The following NGF variants were observed in gnomAD, a reference collection of about 807,000 sequenced individuals.
NGF encodes the protein beta-nerve growth factor.
A neutral mutation model predicts 12.8 loss-of-function variants in NGF; 4 were observed. The observed-to-expected ratio is 0.31, with a 90% CI of 0.15 to 0.72. The LOEUF (loss-of-function observed/expected upper bound fraction) is 0.72. NGF is among the 30% of genes least tolerant of loss of function. The pLI is 0.69. For missense variants in NGF, 283 were observed against 330.8 expected, an observed-to-expected ratio of 0.86 and a Z score of 1.12; for synonymous variants, 140 against 130.0, an observed-to-expected ratio of 1.08 and a Z score of -0.52.
At chr1:115,338,071 T>G (rs1655187304) in intron 1 of NGF, 133 bp downstream of exon 1, 1 of 152,280 alleles carries the variant, frequency 6.6e-6, no homozygotes, top group Non-Finnish European at 1.5e-5. Flanking sequence ...CTCTTCGGCC[T>G]GCGGGAGCCT....
chr1:115,293,995 C>T (rs1653786859), intron 1 of NGF, among the ~76,000 whole-genome samples: 1 of 152,242 alleles, frequency 6.6e-6, no homozygotes, highest in Non-Finnish European at 1.5e-5. Flanking sequence ...AGCCTGGACA[C>T]AGTCCATGGC....
chr1:115,322,600 A>T (rs938532352), intron 1 of NGF, among the ~76,000 whole-genome samples: 15 of 152,284 alleles, frequency 9.9e-5, no homozygotes, highest in African/African-American at 3.4e-4. Context: ...GCGTAAAGAG[A>T]TGACAGAGGA....
At chr1:115,302,101 C>T (rs11466087) in intron 1 of NGF, among the ~76,000 whole-genome samples, 5,771 of 152,290 alleles carry the variant, frequency 0.038, 348 homozygotes, top group African/African-American at 0.13. Flanking sequence ...ATTGAAGACT[C>T]TTCCCACAGC....
intron 2 of NGF, among the ~76,000 whole-genome samples, chr1:115,290,642 TCGG>T (rs1261161386): frequency 6.6e-6 from 1 of 152,136 alleles, no homozygotes; most frequent in African/African-American, 2.4e-5. Context: ...ATCCGCCCCC[TCGG>T]CCTCCCAAAG....
intron 1 of NGF, among the ~76,000 whole-genome samples, chr1:115,304,628 C>A (rs1017351493): frequency 1.6e-4 from 25 of 152,064 alleles, no homozygotes; most frequent in Admixed American, 1.0e-3. Context: ...GACAAGTGGA[C>A]TTTGTGCTTA....
intron 1 of NGF, among the ~76,000 whole-genome samples, chr1:115,335,265 A>G (rs1315580267): frequency 2.0e-5 from 3 of 152,224 alleles, no homozygotes; most frequent in African/African-American, 4.8e-5. Flanking sequence ...CTCCATTCAC[A>G]TATCAGCCTC....
chr1:115,306,216 G>A (rs1164848159), intron 1 of NGF, among the ~76,000 whole-genome samples: 1 of 152,310 alleles, frequency 6.6e-6, no homozygotes, highest in Non-Finnish European at 1.5e-5. Context: ...TTTGAGGGAC[G>A]AGTGGAAAGC....
intron 1 of NGF, among the ~76,000 whole-genome samples, chr1:115,334,920 T>A (rs1365355854): frequency 6.6e-6 from 1 of 152,176 alleles, no homozygotes; most frequent in East Asian, 1.9e-4. Context: ...TTGCTCAAGG[T>A]CACAAAGCTA....
chr1:115,298,771 C>T (rs74114035), intron 1 of NGF, among the ~76,000 whole-genome samples: 26,678 of 151,782 alleles, frequency 0.18, 2,598 homozygotes, highest in African/African-American at 0.26. Context: ...ATAGCCAAAT[C>T]GATCACTACA....
chr1:115,311,890 G>C lies in NGF; in HGVS notation c.-136-18140C>G, dbSNP rs1376301109. Among the ~76,000 whole-genome samples, 3 of 152,294 alleles carry C rather than the reference G, an allele frequency of 2.0e-5. No homozygotes were observed. The East Asian group carries it at 5.8e-4, about 29-fold the overall frequency. On this transcript the variant is annotated intron_variant, in intron 1 of 2. Coordinates refer to ENST00000369512, the MANE Select transcript of NGF (RefSeq NM_002506.3). The stretch of plus-strand genomic sequence containing the variant: ...TATGAAAGGAAGTTACAGTGAAATT[G>C]CCAGCAAGAAATTAACAACTCCCCA...
chr1:115,334,534 G>A (rs923241618), intron 1 of NGF, among the ~76,000 whole-genome samples: 3 of 152,168 alleles, frequency 2.0e-5, no homozygotes, highest in African/African-American at 4.8e-5. Context: ...GGTCCCTGCC[G>A]ATGGTGGCCT....
chr1:115,318,314 C>A (rs1400380980), intron 1 of NGF, among the ~76,000 whole-genome samples: 2 of 152,212 alleles, frequency 1.3e-5, no homozygotes, highest in Non-Finnish European at 2.9e-5. Context: ...AGTCCCTCTA[C>A]CGAGAATTGG....
Position 115,286,792 on chromosome 1 carries a change from A to T in NGF, c.4T>A (p.Ser2Thr). Reference protein sequence around the residue: MSMLFYTLITAF... With the variant: MTMLFYTLITAF... ...GTGATCAGAGTGTAGAACAACATGG[A>T]CATTACGCTATGCACCTGGAATGAA... The change falls in exon 3 of 3, where the codon TCC becomes ACC. Residue 2 changes from serine to threonine, a missense_variant. Physicochemically the swap from Ser to Thr is moderately conservative, Grantham distance 58. Transcript: ENST00000369512. 4 of 1,614,152 alleles carry T rather than the reference A, an allele frequency of 2.5e-6. No individual in the cohort carries two copies. Among genetic ancestry groups the T allele is most frequent in the Non-Finnish European group, 3.4e-6 (4 of 1,180,034 alleles).
At chr1:115,335,434 C>T (rs1386022862) in intron 1 of NGF, among the ~76,000 whole-genome samples, 1 of 152,184 alleles carries the variant, frequency 6.6e-6, no homozygotes, top group Non-Finnish European at 1.5e-5. Context: ...TGGTCCACCA[C>T]AGAAGTGATT....
At chr1:115,322,768 G>A (rs1386023203) in intron 1 of NGF, among the ~76,000 whole-genome samples, 1 of 152,098 alleles carries the variant, frequency 6.6e-6, no homozygotes, top group Non-Finnish European at 1.5e-5. Flanking sequence ...ATGGGGCTTA[G>A]CCCACAAATG....
intron 1 of NGF, among the ~76,000 whole-genome samples, chr1:115,311,191 T>C (rs4382725): frequency 0.84 from 127,769 of 152,170 alleles, 53,995 homozygotes; most frequent in African/African-American, 0.93. Flanking sequence ...TGAAAATTCA[T>C]TTATCATTAG....
At chr1:115,337,284 T>G (rs1051144415) in intron 1 of NGF, among the ~76,000 whole-genome samples, 17,389 of 123,326 alleles carry the variant, frequency 0.14, 2,247 homozygotes, top group South Asian at 0.24. Flanking sequence ...TTTTTTTTTT[T>G]TTTTTTTTTT....
intron 1 of NGF, among the ~76,000 whole-genome samples, chr1:115,301,386 T>C (rs1187587215): frequency 6.6e-6 from 1 of 152,220 alleles, no homozygotes; most frequent in Non-Finnish European, 1.5e-5. Context: ...TATTGGATTA[T>C]TGAGAGGGTT....
At chr1:115,310,714 G>A (rs1654314262) in intron 1 of NGF, among the ~76,000 whole-genome samples, 1 of 152,136 alleles carries the variant, frequency 6.6e-6, no homozygotes, top group African/African-American at 2.4e-5. Flanking sequence ...ATTTATTGTT[G>A]ACTCAGGCTG....
Sources: allele counts gnomAD v4.1 joint callset (sites outside exome capture counted in the v4.1 genomes callset), GRCh38; gene constraint gnomAD v4.1.1; transcripts MANE v1.5; gene names NCBI Gene and HGNC (gene_info 2026-07-23, HGNC 2026-07-21).